TMEM131L: variants seen among roughly 807,000 people sequenced by gnomAD.
The protein encoded by TMEM131L is transmembrane protein 131-like.
TMEM131L carries 54 observed loss-of-function variants against 192.2 expected under a neutral mutation model. That is an observed-to-expected ratio of 0.28 (90% CI 0.23 to 0.35). The LOEUF is 0.35. Ranked by LOEUF, TMEM131L falls within the 10% of genes least tolerant of loss-of-function variation. The probability of loss-of-function intolerance (pLI) is 1.00; values close to 1 mark genes in which losing one functional copy is unlikely to be tolerated. For missense variants in TMEM131L, 1,888 were observed against 1,972.9 expected (o/e 0.96, Z 0.82); for synonymous variants, 701 against 704.9 (o/e 0.99, Z 0.09).
chr4:153,496,870 T>G lies in TMEM131L; in HGVS notation c.239+22982T>G, dbSNP rs569512188. Among the ~76,000 whole-genome samples the G allele has an allele frequency of 5.3e-5, 8 of 151,854 alleles. No homozygotes were observed. In the East Asian group the frequency reaches 5.8e-4, roughly 11 times the overall value. On this transcript the variant is annotated intron_variant, in intron 3 of 34. Transcript: ENST00000409959. Reference sequence around the variant, plus strand: ...CTTGGCCTATGAAGACTTTTTTTTTTTTGTTTTTGAGACAGGGTCTCATTA... The same window carrying G: ...CTTGGCCTATGAAGACTTTTTTTTTGTTGTTTTTGAGACAGGGTCTCATTA...
chr4:153,523,836 A>G (rs186147492), intron 3 of TMEM131L, among the ~76,000 whole-genome samples: 1 of 152,344 alleles, frequency 6.6e-6, no homozygotes, highest in East Asian at 1.9e-4. Context: ...GATAGATTAC[A>G]TAGCAAGTTG....
chr4:153,520,978 G>A (rs1735070892), intron 3 of TMEM131L, among the ~76,000 whole-genome samples: 1 of 152,218 alleles, frequency 6.6e-6, no homozygotes, highest in South Asian at 2.1e-4. Flanking sequence ...AAAGGAATGA[G>A]TAGGTGAAGT....
intron 33 of TMEM131L, among the ~76,000 whole-genome samples, chr4:153,634,514 C>T (rs1194315825): frequency 6.6e-6 from 1 of 152,156 alleles, no homozygotes; most frequent in African/African-American, 2.4e-5. Flanking sequence ...AAAAATAACC[C>T]TAATCCATTT....
intron 3 of TMEM131L, among the ~76,000 whole-genome samples, chr4:153,496,638 G>T (rs1409661105): frequency 4.6e-5 from 7 of 151,840 alleles, no homozygotes; most frequent in Non-Finnish European, 1.0e-4. Flanking sequence ...GGCTCACTGT[G>T]GCCCCACCTC....
intron 4 of TMEM131L, among the ~76,000 whole-genome samples, chr4:153,550,794 C>A (rs890973358): frequency 1.4e-4 from 22 of 152,136 alleles, no homozygotes; most frequent in African/African-American, 5.1e-4. Context: ...GGTTTTACTT[C>A]TTGCTGTGCC....
chr4:153,556,007 C>G (rs1343638666), intron 5 of TMEM131L, 97 bp downstream of exon 5: 1 of 1,241,822 alleles, frequency 8.1e-7, no homozygotes, highest in Non-Finnish European at 1.1e-6. Context: ...CTCCCTGTCT[C>G]CCGCTTTTTC....
At chr4:153,512,104 T>C (rs1734398304) in intron 3 of TMEM131L, among the ~76,000 whole-genome samples, 1 of 152,186 alleles carries the variant, frequency 6.6e-6, no homozygotes, top group Non-Finnish European at 1.5e-5. Flanking sequence ...TGAAAGAGTT[T>C]GTTCATTTAT....
At chr4:153,515,835 G>A (rs1396126380) in intron 3 of TMEM131L, among the ~76,000 whole-genome samples, 1 of 151,796 alleles carries the variant, frequency 6.6e-6, no homozygotes, top group African/African-American at 2.4e-5. Flanking sequence ...TTCTAATCAT[G>A]TTGAGCCTCT....
chr4:153,580,479 A>G (rs1730256934), intron 7 of TMEM131L, among the ~76,000 whole-genome samples: 1 of 152,216 alleles, frequency 6.6e-6, no homozygotes, highest in Non-Finnish European at 1.5e-5. Flanking sequence ...GTGTTTAAAT[A>G]ACATTTTCAA....
intron 21 of TMEM131L, 72 bp from the exon 22 acceptor site, chr4:153,602,080 C>A: frequency 1.1e-6 from 1 of 924,056 alleles, no homozygotes; most frequent in Non-Finnish European, 1.6e-6. Context: ...CAATAAATAT[C>A]GATCCAATAA....
chr4:153,540,123 CAAAAAAACA>C (rs1351801722), intron 3 of TMEM131L, among the ~76,000 whole-genome samples: 4 of 126,742 alleles, frequency 3.2e-5, no homozygotes, highest in South Asian at 2.2e-4. Flanking sequence ...AAAATAAAAA[CAAAAAAACA>C]AAAAAAAAAA....
rs926690481 is a variant in TMEM131L at position 153,614,165 on chromosome 4, G to A, written c.3567+1765G>A. ...AGAGGAACCATTGAGGCATAATTGG[G>A]TGCAGTTAGGGAGCCATCCGACTTG... On this transcript the variant is annotated intron_variant, in intron 26 of 34. Transcript: ENST00000409959. Among the ~76,000 whole-genome samples, 107 of 152,192 alleles carry A rather than the reference G, an allele frequency of 7.0e-4. 2 individuals are homozygous for A. The highest frequency in any genetic ancestry group is 3.8e-4 in the Non-Finnish European group (26 of 68,024).
At chr4:153,601,759 A>G (rs1731854307) in intron 21 of TMEM131L, among the ~76,000 whole-genome samples, 1 of 152,200 alleles carries the variant, frequency 6.6e-6, no homozygotes, top group Non-Finnish European at 1.5e-5. Flanking sequence ...GCCTGGTTCA[A>G]TGTGAGTGAG....
chr4:153,521,866 T>G (rs866672355), intron 3 of TMEM131L, among the ~76,000 whole-genome samples: 7,700 of 141,694 alleles, frequency 0.054, 446 homozygotes, highest in African/African-American at 0.16. Flanking sequence ...TTCTGTGTTT[T>G]TTTTTTTTTT....
intron 26 of TMEM131L, among the ~76,000 whole-genome samples, chr4:153,618,506 A>C (rs1000513099): frequency 1.3e-5 from 2 of 151,652 alleles, no homozygotes; most frequent in African/African-American, 4.8e-5. Flanking sequence ...CCACCAAAAA[A>C]ACCTCCAAAT....
At chr4:153,519,200 T>C (rs1404239916) in intron 3 of TMEM131L, among the ~76,000 whole-genome samples, 3 of 152,094 alleles carry the variant, frequency 2.0e-5, no homozygotes, top group African/African-American at 7.2e-5. Flanking sequence ...CTTTCTGTTC[T>C]TTACTTAGAG....
intron 29 of TMEM131L, among the ~76,000 whole-genome samples, chr4:153,624,515 TA>T (rs1282872650): frequency 1.3e-5 from 2 of 152,350 alleles, no homozygotes; most frequent in East Asian, 3.9e-4. Context: ...TTAACTTTAG[TA>T]AAAAGAAAGG....
intron 7 of TMEM131L, among the ~76,000 whole-genome samples, chr4:153,562,378 TAA>T (rs1333488279): frequency 6.6e-6 from 1 of 152,184 alleles, no homozygotes; most frequent in Non-Finnish European, 1.5e-5. Flanking sequence ...AACAAAAACT[TAA>T]AAAATTTAAA....
At position 153,582,433 on chromosome 4, in the gene TMEM131L, G is replaced by GTTTTTTTTTTTTTT. The variant is rs1038256479; in HGVS notation, c.893-744_893-731dup. 7.2e-4 allele frequency among the ~76,000 whole-genome samples: 29 copies of GTTTTTTTTTTTTTT among 40,332 alleles called. 1 individual carries two copies. Among genetic ancestry groups the GTTTTTTTTTTTTTT allele is most frequent in the Admixed American group, 1.5e-3 (5 of 3,278 alleles). The allele number at this position is 40,332 out of a possible 152,430, so 26.5% of individuals were successfully genotyped here. ...CTAATTTAAACCGTTTTTTTTTGTT[G>GTTTTTTTTTTTTTT]TTTTTTTTTTTTTTTTTTTTTTTTT... is the stretch of plus-strand genomic sequence containing the variant. On this transcript the variant is annotated intron_variant, in intron 9 of 34. Transcript: ENST00000409959.
Sources: gnomAD v4.1 joint callset for allele counts (sites outside exome capture counted in the v4.1 genomes callset) on GRCh38, gnomAD v4.1.1 for gene constraint, MANE v1.5 for transcripts, NCBI Gene and HGNC (gene_info 2026-07-23, HGNC 2026-07-21) for gene names.